Variants in ZWILCH observed in about 807,000 individuals in gnomAD.
ZWILCH encodes the protein zwilch kinetochore protein.
A neutral mutation model predicts 79.9 loss-of-function variants in ZWILCH; 74 were observed. The observed-to-expected ratio is 0.93, with a 90% confidence interval of 0.77 to 1.12. The LOEUF is 1.12. Ranked by LOEUF, ZWILCH falls within the 50% of genes most tolerant of loss-of-function variation. The pLI, the probability that ZWILCH is intolerant of heterozygous loss-of-function variation, is 0.00. For missense variants in ZWILCH, 694 were observed against 687.5 expected (o/e 1.01, Z -0.11); for synonymous variants, 241 against 228.2 (o/e 1.06, Z -0.51).
chr15:66,522,197 C>T (rs1172708082), intron 7 of ZWILCH, among the ~76,000 whole-genome samples: 1 of 145,098 alleles, frequency 6.9e-6, no homozygotes, highest in Non-Finnish European at 1.5e-5. Flanking sequence ...GACTCTGTCT[C>T]AAAAAAAAAG....
intron 14 of ZWILCH, among the ~76,000 whole-genome samples, chr15:66,534,883 A>C (rs1401616071): frequency 6.6e-6 from 1 of 152,188 alleles, no homozygotes; most frequent in African/African-American, 2.4e-5. Flanking sequence ...TAAAAATTTA[A>C]CCATAACTTA....
intron 5 of ZWILCH, 157 bp from the exon 6 acceptor site, chr15:66,520,433 C>G: frequency 1.7e-6 from 1 of 605,264 alleles, no homozygotes; most frequent in South Asian, 1.8e-5. Context: ...CTTTCATTCT[C>G]TTATAAACAT....
At chr15:66,536,177 C>T (rs532100725) in intron 15 of ZWILCH, 108 bp downstream of exon 15, 1 of 974,766 alleles carries the variant, frequency 1.0e-6, no homozygotes, top group Non-Finnish European at 1.4e-6. Context: ...ACCTCTTCAT[C>T]CTGTCTTTAC....
intron 2 of ZWILCH, among the ~76,000 whole-genome samples, chr15:66,511,237 GCA>G (rs1282812257): frequency 2.6e-5 from 4 of 152,142 alleles, no homozygotes; most frequent in Non-Finnish European, 5.9e-5. Flanking sequence ...TGTAATCCTA[GCA>G]CATTGGGAGG....
chr15:66,535,873 C>T (rs1894998537), intron 14 of ZWILCH, 60 bp from the exon 15 acceptor site: 4 of 1,467,108 alleles, frequency 2.7e-6, no homozygotes, highest in Admixed American at 2.3e-5. Context: ...TACCTATATT[C>T]TTTACAAAGG....
rs371789029 is a variant in ZWILCH, at chr15:66,532,410, A to G, written c.1312+7A>G. 14 of 1,594,166 alleles carry G rather than the reference A, an allele frequency of 8.8e-6. No individual in the cohort carries two copies. In the Middle Eastern group the frequency reaches 6.7e-4, roughly 76 times the overall value. On this transcript the variant is annotated splice_region_variant and intron_variant, in intron 13 of 18. Transcript: ENST00000307897. ...TATATCAGTTTTTTCATAGGTAAGTATCTTTCCTGGCTCAAAAAATTAAAA... is the reference window on the plus strand; with the variant it reads ...TATATCAGTTTTTTCATAGGTAAGTGTCTTTCCTGGCTCAAAAAATTAAAA...
At chr15:66,516,821 T>C (rs1455236658) in intron 4 of ZWILCH, among the ~76,000 whole-genome samples, 3 of 152,006 alleles carry the variant, frequency 2.0e-5, no homozygotes, top group Admixed American at 2.0e-4. Context: ...GTTTTAAAAG[T>C]TTAATCAGCC....
Position 66,513,387 on chromosome 15 carries a change from G to A in ZWILCH, c.106-601G>A, listed in dbSNP as rs185390058. ...TTGAGACCAGCCTGGGCAATATAGC[G>A]AGACCCCATCTGTATGAAAAATAAA... On this transcript the variant is annotated intron_variant, in intron 2 of 18. Transcript: ENST00000307897. Among the ~76,000 whole-genome samples the A allele has an allele frequency of 3.2e-3, 486 of 151,940 alleles. 4 individuals carry two copies. The highest frequency in any genetic ancestry group is 0.011 in the African/African-American group (463 of 41,512).
intron 8 of ZWILCH, among the ~76,000 whole-genome samples, chr15:66,525,964 A>G (rs2140777421): frequency 6.6e-6 from 1 of 151,866 alleles, no homozygotes; most frequent in African/African-American, 2.4e-5. Flanking sequence ...GGGTTTCGCC[A>G]CGTTGGCCAG....
In ZWILCH at chr15:66,549,671, G is replaced by A. The variant is rs7164579; in HGVS notation, c.*1347G>A. The A allele has an allele frequency of 0.057, 9,112 of 158,966 alleles. 295 individuals are homozygous for A. The highest frequency in any genetic ancestry group is 0.091 in the African/African-American group (3,808 of 41,688). 9.8% of individuals were successfully genotyped at this position (158,966 alleles called of 1,614,324 possible). Reference sequence around the variant, plus strand: ...AGTGAGTGCTTAATAATTGCTTGCCGAATGAACAAATATAAGATCTCAAGT... The same window carrying A: ...AGTGAGTGCTTAATAATTGCTTGCCAAATGAACAAATATAAGATCTCAAGT... On this transcript the variant is annotated 3_prime_UTR_variant, in exon 19 of 19. Coordinates refer to ENST00000307897, the MANE Select transcript of ZWILCH (RefSeq NM_017975.5).
chr15:66,542,419 A>G (rs781536146), intron 17 of ZWILCH, among the ~76,000 whole-genome samples: 2 of 152,178 alleles, frequency 1.3e-5, no homozygotes, highest in Non-Finnish European at 2.9e-5. Flanking sequence ...CTCCGTCTCT[A>G]CTGAAAATAC....
intron 3 of ZWILCH, among the ~76,000 whole-genome samples, chr15:66,515,301 A>G (rs1894211419): frequency 1.3e-5 from 2 of 152,176 alleles, no homozygotes; most frequent in African/African-American, 2.4e-5. Flanking sequence ...TTAGCAACTA[A>G]GGTCAATATC....
chr15:66,542,708 G>C (rs1177382925), intron 17 of ZWILCH, among the ~76,000 whole-genome samples: 1 of 152,110 alleles, frequency 6.6e-6, no homozygotes, highest in Non-Finnish European at 1.5e-5. Context: ...TTCAAATGTG[G>C]TTTTAAAAAT....
chr15:66,511,706 C>T (rs986118642), intron 2 of ZWILCH, among the ~76,000 whole-genome samples: 5 of 152,000 alleles, frequency 3.3e-5, no homozygotes, highest in Non-Finnish European at 5.9e-5. Flanking sequence ...ACCTCTGCCT[C>T]CCAGGTTCAA....
intron 12 of ZWILCH, 69 bp from the exon 13 acceptor site, chr15:66,532,178 C>T: frequency 8.1e-7 from 1 of 1,234,624 alleles, no homozygotes; most frequent in Non-Finnish European, 1.1e-6. Context: ...CTGTAATTTG[C>T]TTCTCTTTTA....
At chr15:66,543,050 A>C (rs1195608734) in intron 17 of ZWILCH, among the ~76,000 whole-genome samples, 2 of 151,912 alleles carry the variant, frequency 1.3e-5, no homozygotes, top group East Asian at 3.9e-4. Context: ...TTGTAAAAGA[A>C]TAGCTGGGCA....
chr15:66,513,867 G>A (rs1048645097), intron 2 of ZWILCH, 121 bp from the exon 3 acceptor site: 7 of 668,576 alleles, frequency 1.0e-5, no homozygotes, highest in East Asian at 3.4e-5. Flanking sequence ...CACCGTGCCC[G>A]GCCGAGACTC....
Position 66,519,059 on chromosome 15 carries a change from A to T in ZWILCH, c.501A>T (p.Leu167Phe), listed in dbSNP as rs1426619239. 1.2e-6 allele frequency: 2 copies of T among 1,614,078 alleles called. No homozygotes were observed. Among genetic ancestry groups the T allele is most frequent in the Non-Finnish European group, 8.5e-7 (1 of 1,180,038 alleles). The part of the protein sequence containing the change: ...TTNNSITGIV[L>F]YVVSCKADKN... ...ACAACAGCATTACAGGAATTGTCTT[A>T]TATGTGGTCAGTTGTAAAGGTGAGT... Residue 167 changes from leucine (L) to phenylalanine (F), a missense_variant, in exon 5 of 19, where the codon TTA becomes TTT. By Grantham distance (22) the Leu-to-Phe change is conservative. Coordinates refer to ENST00000307897, the MANE Select transcript of ZWILCH (RefSeq NM_017975.5).
Position 66,514,089 on chromosome 15 carries a change from T to C in ZWILCH, c.201+6T>C. 1 of 1,592,234 alleles carries C rather than the reference T, an allele frequency of 6.3e-7. No homozygotes were observed. Among genetic ancestry groups the C allele is most frequent in the Non-Finnish European group, 8.6e-7 (1 of 1,168,946 alleles). On this transcript the variant is annotated splice_donor_region_variant and intron_variant, in intron 3 of 18. Coordinates refer to ENST00000307897, the MANE Select transcript of ZWILCH (RefSeq NM_017975.5). Reference sequence around the variant, plus strand: ...TATTCATAGTGGAAAAAGTGGTAAGTACTGGTTTGACTTTGTGGTTGTTTA... The same window carrying C: ...TATTCATAGTGGAAAAAGTGGTAAGCACTGGTTTGACTTTGTGGTTGTTTA...
Sources: gnomAD v4.1 joint callset for allele counts (sites outside exome capture counted in the v4.1 genomes callset) on GRCh38, gnomAD v4.1.1 for gene constraint, MANE v1.5 for transcripts, NCBI Gene and HGNC (gene_info 2026-07-23, HGNC 2026-07-21) for gene names.